The following PACRG variants were observed in gnomAD, a reference collection of about 807,000 sequenced individuals.
PACRG encodes the protein parkin coregulated, also known as parkin coregulated gene protein.
A neutral mutation model predicts 29.7 loss-of-function variants in PACRG; 29 were observed. The observed-to-expected ratio is 0.98, with a 90% CI of 0.73 to 1.33. The LOEUF (loss-of-function observed/expected upper bound fraction) is 1.33. Ranked by LOEUF, PACRG falls within the 40% of genes most tolerant of loss-of-function variation. PACRG has a pLI of 0.00. For synonymous variants in PACRG, 116 were observed against 118.7 expected (o/e 0.98, Z 0.15); for missense variants, 279 against 316.2 (o/e 0.88, Z 0.89).
At chr6:163,238,609 A>G (rs1222381909) in intron 4 of PACRG, among the ~76,000 whole-genome samples, 1 of 152,246 alleles carries the variant, frequency 6.6e-6, no homozygotes, top group Non-Finnish European at 1.5e-5. Context: ...CCACTGCCCC[A>G]CATGGGGCAT....
intron 4 of PACRG, among the ~76,000 whole-genome samples, chr6:163,276,336 G>A (rs1464587624): frequency 6.6e-6 from 1 of 152,100 alleles, no homozygotes; most frequent in Non-Finnish European, 1.5e-5. Flanking sequence ...CCTTAAAATA[G>A]GGTATTACTT....
intron 4 of PACRG, among the ~76,000 whole-genome samples, chr6:163,182,429 A>T (rs906024397): frequency 6.6e-6 from 1 of 152,214 alleles, no homozygotes. Flanking sequence ...CAAGATATAG[A>T]TGAGACTCAT....
In PACRG at chr6:163,062,161, G is replaced by A; in HGVS notation, c.303G>A (p.Glu101=). 6.2e-7 allele frequency: 1 copy of A among 1,613,616 alleles called. No homozygotes were observed. Among genetic ancestry groups the A allele is most frequent in the Non-Finnish European group, 8.5e-7 (1 of 1,179,892 alleles). ...GNKIAWKVEI[E]KLDYHHYLPL... Reference sequence around the variant, plus strand: ...TTCTTTACTTTCAGGTAGAAATTGAGAAGCTGGATTACCATCATTATCTGC... The same window carrying A: ...TTCTTTACTTTCAGGTAGAAATTGAAAAGCTGGATTACCATCATTATCTGC... The change falls in exon 3 of 5, where the codon GAG becomes GAA. Residue 101 remains glutamate, a synonymous_variant. Coordinates refer to ENST00000366888, the MANE Select transcript of PACRG (RefSeq NM_001080379.2).
chr6:163,154,643 A>G (rs1291311106), intron 4 of PACRG, among the ~76,000 whole-genome samples: 1 of 152,216 alleles, frequency 6.6e-6, no homozygotes, highest in Admixed American at 6.5e-5. Flanking sequence ...AAAATACAGG[A>G]TACCCAGTTA....
chr6:163,105,963 T>A (rs1815358435), intron 4 of PACRG, among the ~76,000 whole-genome samples: 1 of 152,162 alleles, frequency 6.6e-6, no homozygotes, highest in African/African-American at 2.4e-5. Context: ...GATTATTGAC[T>A]TATTAATTTG....
chr6:162,884,809 A>G (rs910369822), intron 2 of PACRG, among the ~76,000 whole-genome samples: 5 of 152,162 alleles, frequency 3.3e-5, no homozygotes, highest in Admixed American at 3.3e-4. Flanking sequence ...TGATAAACCT[A>G]AAAACCTCTA....
chr6:163,177,538 G>C (rs1008431518), intron 4 of PACRG, among the ~76,000 whole-genome samples: 8 of 152,094 alleles, frequency 5.3e-5, no homozygotes, highest in African/African-American at 1.9e-4. Flanking sequence ...AAAGGCTCCA[G>C]GCTGTGGAGG....
chr6:163,107,005 C>CAAGAAGA (rs1269716720), intron 4 of PACRG, among the ~76,000 whole-genome samples: 1 of 152,078 alleles, frequency 6.6e-6, no homozygotes, highest in African/African-American at 2.4e-5. Context: ...AAATAATGAT[C>CAAGAAGA]AAGAAGAAAG....
intron 4 of PACRG, among the ~76,000 whole-genome samples, chr6:163,243,909 T>C (rs1272696992): frequency 6.6e-6 from 1 of 152,180 alleles, no homozygotes; most frequent in Non-Finnish European, 1.5e-5. Context: ...GGGTCCGTGA[T>C]TGATGGTGTC....
chr6:163,180,475 A>G (rs562725642), intron 4 of PACRG, among the ~76,000 whole-genome samples: 18 of 152,250 alleles, frequency 1.2e-4, no homozygotes, highest in African/African-American at 3.9e-4. Context: ...AAAAGTTTCA[A>G]TGAGGACCAG....
intron 4 of PACRG, among the ~76,000 whole-genome samples, chr6:163,133,471 C>T (rs1456598644): frequency 6.6e-6 from 1 of 152,214 alleles, no homozygotes; most frequent in Non-Finnish European, 1.5e-5. Flanking sequence ...GCTAAATCTT[C>T]CTAAAACAGA....
At chr6:163,184,683 G>A (rs1779834377) in intron 4 of PACRG, 7 of 152,198 alleles carry the variant, frequency 4.6e-5, no homozygotes, top group Admixed American at 4.6e-4. Flanking sequence ...TTAACTCAGA[G>A]CCTTGGGTTG....
chr6:163,122,454 C>G (rs889929922), intron 4 of PACRG, among the ~76,000 whole-genome samples: 1 of 152,200 alleles, frequency 6.6e-6, no homozygotes, highest in Admixed American at 6.5e-5. Flanking sequence ...AGATCCCTCG[C>G]GAATGGCTTG....
intron 4 of PACRG, among the ~76,000 whole-genome samples, chr6:163,172,168 T>C (rs1420917861): frequency 6.6e-6 from 1 of 152,220 alleles, no homozygotes; most frequent in Non-Finnish European, 1.5e-5. Context: ...AAGTGCCTCT[T>C]GGTATATACT....
At chr6:162,844,519 C>T (rs71567685) in intron 2 of PACRG, among the ~76,000 whole-genome samples, 11,414 of 152,226 alleles carry the variant, frequency 0.075, 734 homozygotes, top group South Asian at 0.23. Flanking sequence ...GAGATGAACC[C>T]GGTACCTCCG....
At chr6:163,044,539 T>TTTA (rs1809115456) in intron 2 of PACRG, 1 of 152,128 alleles carries the variant, frequency 6.6e-6, no homozygotes, top group African/African-American at 2.4e-5. Flanking sequence ...ACACAAGTTG[T>TTTA]GATGCTAGTT....
chr6:162,860,016 A>AT (rs1002062239), intron 2 of PACRG, among the ~76,000 whole-genome samples: 1 of 116,324 alleles, frequency 8.6e-6, no homozygotes, highest in Non-Finnish European at 1.6e-5. Context: ...AGAGTAATGG[A>AT]TTTTACAACT....
intron 2 of PACRG, among the ~76,000 whole-genome samples, chr6:163,029,801 C>T (rs1807489387): frequency 6.6e-6 from 1 of 152,144 alleles, no homozygotes; most frequent in South Asian, 2.1e-4. Context: ...ATTGCTGAAC[C>T]ACTCAGTCAT....
intron 4 of PACRG, among the ~76,000 whole-genome samples, chr6:163,229,705 A>G (rs937144715): frequency 1.3e-5 from 2 of 152,120 alleles, no homozygotes; most frequent in Non-Finnish European, 2.9e-5. Flanking sequence ...TTCTAGGAGA[A>G]CCCTCCTCTG....
Sources: allele counts gnomAD v4.1 joint callset (sites outside exome capture counted in the v4.1 genomes callset), GRCh38; gene constraint gnomAD v4.1.1; transcripts MANE v1.5; gene names NCBI Gene and HGNC (gene_info 2026-07-23, HGNC 2026-07-21).